RBM33: variants seen among roughly 807,000 people sequenced by gnomAD.
The protein encoded by RBM33 is RNA-binding protein 33.
RBM33 carries 28 observed loss-of-function variants against 132.6 expected under a neutral mutation model. The ratio of observed to expected loss-of-function variants is 0.21; its 90% CI spans 0.16 to 0.29. The LOEUF (loss-of-function observed/expected upper bound fraction) is 0.29, where lower values mean the gene tolerates loss of function less well. Among genes scored for constraint, RBM33 ranks in the 10% least tolerant of loss-of-function variants. RBM33 has a pLI of 1.00. For missense variants in RBM33, 1,291 were observed against 1,518.5 expected (o/e 0.85, Z 2.49); for synonymous variants, 634 against 593.0 (o/e 1.07, Z -1.01).
chr7:155,699,873 C>T (rs1252845084), intron 5 of RBM33, among the ~76,000 whole-genome samples: 2 of 152,056 alleles, frequency 1.3e-5, no homozygotes, highest in South Asian at 2.1e-4. Flanking sequence ...TTACATATTA[C>T]AAATCATGAG....
At position 155,775,324 on chromosome 7, in the gene RBM33, A is replaced by T. The variant is rs1802571053; in HGVS notation, c.*283A>T. On this transcript the variant is annotated 3_prime_UTR_variant, in exon 18 of 18. Coordinates refer to ENST00000401878, the MANE Select transcript of RBM33 (RefSeq NM_053043.3). ...TTTGTTTTCAAAGTGCTTACAATGC[A>T]TGTAGACATTGTTCTTTGTGGTCTG... is the stretch of plus-strand genomic sequence containing the variant. 5.3e-6 allele frequency: 3 copies of T among 565,436 alleles called. No individual in the cohort carries two copies. Among genetic ancestry groups the T allele is most frequent in the East Asian group, 6.2e-5 (2 of 32,356 alleles). 35.0% of individuals were successfully genotyped at this position (565,436 alleles called of 1,614,324 possible).
At chr7:155,677,090 GAGGTT>G in intron 3 of RBM33, among the ~76,000 whole-genome samples, 1 of 152,252 alleles carries the variant, frequency 6.6e-6, no homozygotes, top group Non-Finnish European at 1.5e-5. Flanking sequence ...CAGCCAAACT[GAGGTT>G]TGTCTGTGGT....
chr7:155,727,906 G>A (rs561217999), intron 9 of RBM33, among the ~76,000 whole-genome samples: 80 of 152,124 alleles, frequency 5.3e-4, no homozygotes, highest in Non-Finnish European at 7.5e-4. Context: ...TGGGACTACA[G>A]GTGTGTCCCA....
chr7:155,703,219 T>C (rs1680969321), intron 6 of RBM33, among the ~76,000 whole-genome samples: 1 of 152,240 alleles, frequency 6.6e-6, no homozygotes, highest in Non-Finnish European at 1.5e-5. Flanking sequence ...TCCAAGGTCA[T>C]TGACAATTTC....
rs1185387070 is a variant in RBM33 at position 155,704,567 on chromosome 7, GCTCTCTTTTCGT to G, written c.740-2290_740-2279del. Among the ~76,000 whole-genome samples, 3 of 152,180 alleles carry G rather than the reference GCTCTCTTTTCGT, an allele frequency of 2.0e-5. No homozygotes were observed. In the East Asian group the frequency reaches 5.8e-4, roughly 29 times the overall value. On this transcript the variant is annotated intron_variant, in intron 6 of 17. Transcript: ENST00000401878. Reference sequence around the variant, plus strand: ...CAATTGCCAGTCCTGCAAGTTGAGAGCTCTCTTTTCGTCTAGGAGGTGGCCCTTGGATTGCCT... The same window carrying G: ...CAATTGCCAGTCCTGCAAGTTGAGAGCTAGGAGGTGGCCCTTGGATTGCCT...
chr7:155,666,650 C>G (rs1344479049), intron 2 of RBM33, among the ~76,000 whole-genome samples: 4 of 152,150 alleles, frequency 2.6e-5, no homozygotes, highest in East Asian at 1.9e-4. Context: ...TTAAGTGGGT[C>G]TTTCAATAGC....
intron 2 of RBM33, among the ~76,000 whole-genome samples, chr7:155,666,289 T>C (rs1798799584): frequency 6.6e-6 from 1 of 152,166 alleles, no homozygotes; most frequent in African/African-American, 2.4e-5. Flanking sequence ...GGAGCACCCA[T>C]GTCTGAGGGC....
chr7:155,675,268 TGGG>T (rs1799144734), intron 3 of RBM33, among the ~76,000 whole-genome samples: 1 of 137,970 alleles, frequency 7.2e-6, no homozygotes. Context: ...TACTCTAGCC[TGGG>T]AGACGGAGTG....
At chr7:155,707,144 T>C (rs926076119) in intron 7 of RBM33, 76 bp downstream of exon 7, 1 of 1,197,824 alleles carries the variant, frequency 8.3e-7, no homozygotes, top group South Asian at 1.3e-5. Flanking sequence ...TATCCTAGTA[T>C]ACATTTCTCT....
intron 5 of RBM33, among the ~76,000 whole-genome samples, chr7:155,697,559 T>C (rs556936105): frequency 2.0e-5 from 3 of 151,924 alleles, no homozygotes; most frequent in African/African-American, 7.2e-5. Flanking sequence ...TTTTGCACTC[T>C]CTCTCTCTCT....
At chr7:155,648,636 C>G (rs62482794) in intron 1 of RBM33, among the ~76,000 whole-genome samples, 2 of 146,420 alleles carry the variant, frequency 1.4e-5, no homozygotes, top group South Asian at 4.3e-4. Context: ...TTTTTTTTTC[C>G]TTCAAGAAAA....
Position 155,737,620 on chromosome 7 carries a change from G to A in RBM33, c.1351G>A (p.Ala451Thr), listed in dbSNP as rs1801171069. The stretch of plus-strand genomic sequence containing the variant: ...ACTCCCTCTCCAGGACCAGTGGAGA[G>A]CCCCACCCCCGCCTCAGGATCGAGA... ...PRLPLQDQWRAPPPPQDRDPF... is the reference protein window; with the variant it reads ...PRLPLQDQWRTPPPPQDRDPF... Residue 451 changes from alanine (A) to threonine (T), a missense_variant, in exon 10 of 18, where the codon GCC becomes ACC. Physicochemically the swap from Ala to Thr is moderately conservative, Grantham distance 58. Around this residue, in one of 7 missense-constraint regions of RBM33, gnomAD observed 841 missense variants for 912.0 expected, o/e 0.92. Coordinates refer to ENST00000401878, the MANE Select transcript of RBM33 (RefSeq NM_053043.3). 1 of 1,608,610 alleles carries A rather than the reference G, an allele frequency of 6.2e-7. No individual in the cohort carries two copies. Among genetic ancestry groups the A allele is most frequent in the South Asian group, 1.1e-5 (1 of 90,308 alleles).
intron 2 of RBM33, among the ~76,000 whole-genome samples, chr7:155,669,003 A>G (rs1798873607): frequency 6.6e-6 from 1 of 152,166 alleles, no homozygotes; most frequent in African/African-American, 2.4e-5. Context: ...TGTTTACCGT[A>G]TTATGAATTG....
At chr7:155,679,484 C>T (rs528461283) in intron 4 of RBM33, among the ~76,000 whole-genome samples, 2 of 113,774 alleles carry the variant, frequency 1.8e-5, no homozygotes, top group East Asian at 5.3e-4. Flanking sequence ...ATATAGTAAG[C>T]TATATTAAAA....
intron 1 of RBM33, 92 bp downstream of exon 1, chr7:155,645,011 G>T: frequency 2.2e-6 from 2 of 897,080 alleles, no homozygotes; most frequent in East Asian, 3.3e-5. Context: ...GAGAGGACGA[G>T]GCTCTCCCCG....
chr7:155,661,146 A>ATATATATTTTTT (rs1421586760), intron 1 of RBM33, among the ~76,000 whole-genome samples: 5,147 of 80,094 alleles, frequency 0.064, 684 homozygotes, highest in Non-Finnish European at 0.1. Context: ...ATATATATAT[A>ATATATATTTTTT]TTTTTTTTTT....
chr7:155,689,532 T>C (rs1180665625), intron 5 of RBM33, among the ~76,000 whole-genome samples: 1 of 151,964 alleles, frequency 6.6e-6, no homozygotes, highest in Non-Finnish European at 1.5e-5. Context: ...ATGTGTTTGC[T>C]CTTGCTTCTC....
intron 3 of RBM33, among the ~76,000 whole-genome samples, chr7:155,673,630 A>G (rs199964236): frequency 1.9e-4 from 6 of 31,078 alleles, no homozygotes; most frequent in African/African-American, 3.4e-4. Flanking sequence ...ATATATACAC[A>G]CATATACATA....
intron 8 of RBM33, among the ~76,000 whole-genome samples, chr7:155,716,811 C>G (rs904038905): frequency 6.6e-6 from 1 of 152,080 alleles, no homozygotes; most frequent in African/African-American, 2.4e-5. Context: ...CAAACTGACC[C>G]ACTCTAATTT....
Sources: gnomAD v4.1 joint callset for allele counts (sites outside exome capture counted in the v4.1 genomes callset) on GRCh38, gnomAD v4.1.1 for gene constraint, gnomAD v4.1.1 regional missense constraint, MANE v1.5 for transcripts, NCBI Gene and HGNC (gene_info 2026-07-23, HGNC 2026-07-21) for gene names.